Variants in KLHDC4 observed in about 807,000 individuals in gnomAD.
KLHDC4 encodes the protein kelch domain containing 4.
A neutral mutation model predicts 62.4 loss-of-function variants in KLHDC4; 90 were observed. The ratio of observed to expected loss-of-function variants is 1.44; its 90% CI spans 1.22 to 1.72. The LOEUF (loss-of-function observed/expected upper bound fraction) is 1.72. Among genes scored for constraint, KLHDC4 ranks in the 40% most tolerant of loss-of-function variants. The pLI, the probability that KLHDC4 is intolerant of heterozygous loss-of-function variation, is 0.00. For synonymous variants in KLHDC4, 386 were observed against 284.4 expected (o/e 1.36, Z -3.59); for missense variants, 1,025 against 699.7 (o/e 1.47, Z -5.25).
chr16:87,738,090 C>T (rs141256271), intron 5 of KLHDC4, among the ~76,000 whole-genome samples: 41 of 152,298 alleles, frequency 2.7e-4, no homozygotes, highest in African/African-American at 9.4e-4. Context: ...ACCATGCAAC[C>T]CAACCCACCA....
rs56821624 is a variant in KLHDC4 at position 87,711,288 on chromosome 16, C to T, written c.991G>A (p.Asp331Asn). The T allele has an allele frequency of 1.1e-5, 17 of 1,613,988 alleles. No homozygotes were observed. The highest frequency in any genetic ancestry group is 4.5e-5 in the East Asian group (2 of 44,900). The change falls in exon 9 of 12, where the codon GAT becomes AAT. Residue 331 changes from aspartate to asparagine, a missense_variant. Asp to Asn is a conservative substitution (Grantham distance 23). Transcript: ENST00000270583. The part of the protein sequence containing the change: ...EESLSGEFFN[D>N]LYFYDATRNR... ...CTGGTGGCGTCGTAGAAGTACAGAT[C>T]GTTGAAGAACTCGCCCGACAGGCTC... is the stretch of plus-strand genomic sequence containing the variant.
At chr16:87,754,112 G>A (rs578119113) in intron 4 of KLHDC4, among the ~76,000 whole-genome samples, 3 of 151,826 alleles carry the variant, frequency 2.0e-5, no homozygotes, top group Admixed American at 6.6e-5. Flanking sequence ...TGCACTCCAG[G>A]CTGGGAGACA....
Position 87,756,398 on chromosome 16 carries a change from C to T in KLHDC4, c.270+1G>A, listed in dbSNP as rs757096650. ...AGAAAAGAAAAAAATATATACTTTA[C>T]TTTTTGGCCGTTGAAATATTCACCT... On this transcript the variant is annotated splice_donor_variant, in intron 3 of 11. Coordinates refer to ENST00000270583, the MANE Select transcript of KLHDC4 (RefSeq NM_017566.4). LOFTEE classifies it high-confidence loss of function. The T allele has an allele frequency of 4.4e-6, 7 of 1,606,820 alleles. No individual in the cohort carries two copies. Among genetic ancestry groups the T allele is most frequent in the Non-Finnish European group, 6.0e-6 (7 of 1,173,548 alleles).
At chr16:87,746,124 G>C (rs1452509154) in intron 5 of KLHDC4, among the ~76,000 whole-genome samples, 1 of 151,956 alleles carries the variant, frequency 6.6e-6, no homozygotes, top group African/African-American at 2.4e-5. Flanking sequence ...AATTTAATTA[G>C]CCCGGCACGG....
rs1236805043 is a variant in KLHDC4 at position 87,756,378 on chromosome 16, AG to A, written c.270+20del. On this transcript the variant is annotated intron_variant, in intron 3 of 11. Transcript: ENST00000270583. ...GATACTCACGCAACATGGGAAGAAA[AG>A]AAAAAAATATATACTTTACTTTTTG... 1 of 1,571,062 alleles carries A rather than the reference AG, an allele frequency of 6.4e-7. No homozygotes were observed. Among genetic ancestry groups the A allele is most frequent in the East Asian group, 2.2e-5 (1 of 44,646 alleles).
exon 1 of KLHDC4, chr16:87,698,486 A>C (rs905285537): frequency 2.0e-5 from 3 of 152,248 alleles, no homozygotes; most frequent in Non-Finnish European, 4.4e-5. Context: ...ACACATTCAC[A>C]CCATGAGACA....
At chr16:87,718,627 A>C (rs58654890) in intron 7 of KLHDC4, among the ~76,000 whole-genome samples, 8,344 of 151,724 alleles carry the variant, frequency 0.055, 289 homozygotes, top group South Asian at 0.16. Flanking sequence ...CTGAGATTGC[A>C]GCCTCTGCCC....
intron 7 of KLHDC4, among the ~76,000 whole-genome samples, chr16:87,725,994 G>A (rs1013817934): frequency 4.6e-5 from 7 of 152,112 alleles, no homozygotes; most frequent in African/African-American, 9.7e-5. Context: ...GCTGACAGGG[G>A]TGTGGAGAAC....
chr16:87,717,962 A>C (rs756894731), intron 7 of KLHDC4, among the ~76,000 whole-genome samples: 17 of 152,184 alleles, frequency 1.1e-4, no homozygotes, highest in Non-Finnish European at 2.2e-4. Context: ...TGCAAGCCAG[A>C]GAGGTGGAGC....
In KLHDC4 at chr16:87,731,204, C is replaced by G. The variant is rs1422955984; in HGVS notation, c.507-560G>C. On this transcript the variant is annotated intron_variant, in intron 5 of 11. Transcript: ENST00000270583. ...TCAGCCTCCTGAGTAGCTGGAATTA[C>G]AAGCGTGCACCACCACACCTGGCTG... Among the ~76,000 whole-genome samples, 4 of 151,752 alleles carry G rather than the reference C, an allele frequency of 2.6e-5. No individual in the cohort carries two copies. In the South Asian group the frequency reaches 8.3e-4, roughly 32 times the overall value.
Position 87,708,390 on chromosome 16 carries a change from G to A in KLHDC4, c.1524C>T (p.Asp508=), listed in dbSNP as rs150239568. 1.3e-4 allele frequency: 211 copies of A among 1,610,592 alleles called. No individual in the cohort carries two copies. Among genetic ancestry groups the A allele is most frequent in the East Asian group, 6.9e-4 (31 of 44,832 alleles). The part of the protein sequence containing the change: ...EEVEGAEGGV[D]DEDSGEESGA... ...CGCTCTCCTCTCCGCTGTCTTCGTC[G>A]TCGACCCCACCCTCGGCGCCCTCAA... The change falls in exon 11 of 12, where the codon GAC becomes GAT. Residue 508 remains aspartate (D), a synonymous_variant. Transcript: ENST00000270583.
intron 1 of KLHDC4, chr16:87,765,109 G>A (rs141539695): frequency 1.3e-5 from 6 of 455,882 alleles, no homozygotes; most frequent in Admixed American, 2.4e-5. Flanking sequence ...CCTGGCGCAC[G>A]GCAGGCCATA....
At chr16:87,721,414 T>TAA (rs1176744434) in intron 7 of KLHDC4, among the ~76,000 whole-genome samples, 5,074 of 78,772 alleles carry the variant, frequency 0.064, 228 homozygotes, top group South Asian at 0.12. Flanking sequence ...ACTCTGTCTC[T>TAA]AAAAAAAAAA....
At chr16:87,762,237 G>A in intron 1 of KLHDC4, 197 bp from the exon 2 acceptor site, 3 of 1,149,224 alleles carry the variant, frequency 2.6e-6, no homozygotes, top group Non-Finnish European at 3.5e-6. Context: ...AAGGCAGTCT[G>A]CTTAAAGGGT....
chr16:87,719,933 C>A (rs74755665), intron 7 of KLHDC4, among the ~76,000 whole-genome samples: 2 of 152,186 alleles, frequency 1.3e-5, no homozygotes, highest in Non-Finnish European at 2.9e-5. Context: ...CAAGTCCCAA[C>A]GGGCCCCCAC....
intron 7 of KLHDC4, among the ~76,000 whole-genome samples, chr16:87,724,207 C>G (rs1214373383): frequency 6.6e-6 from 1 of 152,220 alleles, no homozygotes; most frequent in African/African-American, 2.4e-5. Context: ...CCTCAACACT[C>G]ACCTAATGCT....
intron 5 of KLHDC4, among the ~76,000 whole-genome samples, chr16:87,748,004 A>G (rs1035374148): frequency 6.6e-5 from 10 of 152,290 alleles, no homozygotes; most frequent in African/African-American, 2.4e-4. Flanking sequence ...GGCCACACAT[A>G]GAAGGACACT....
chr16:87,755,998 G>C (rs1219039773), intron 3 of KLHDC4: 1 of 170,454 alleles, frequency 5.9e-6, no homozygotes, highest in Non-Finnish European at 1.3e-5. Flanking sequence ...TGAAACACAG[G>C]TCTTACTGGC....
chr16:87,765,880 TTCTTGCCCA>T lies in KLHDC4; in HGVS notation c.2_10del (p.MetGlyLys1_?3), dbSNP rs775901979. 38 of 1,551,158 alleles carry T rather than the reference TTCTTGCCCA, an allele frequency of 2.4e-5. No individual in the cohort carries two copies. In the East Asian group the frequency reaches 8.5e-4, roughly 35 times the overall value. ...GCGGCCCTTCTTCTCCTTCTTGCCC[TTCTTGCCCA>T]TCTTGCCGGGTCCCAAGCCGCGACG... On this transcript the variant is annotated start_lost and inframe_deletion, in exon 1 of 12. Coordinates refer to ENST00000270583, the MANE Select transcript of KLHDC4 (RefSeq NM_017566.4).
Sources: gnomAD v4.1 joint callset for allele counts (sites outside exome capture counted in the v4.1 genomes callset) on GRCh38, gnomAD v4.1.1 for gene constraint, MANE v1.5 for transcripts, NCBI Gene and HGNC (gene_info 2026-07-23, HGNC 2026-07-21) for gene names.